ABR: variants seen among roughly 807,000 people sequenced by gnomAD.
The protein encoded by ABR is ABR activator of RhoGEF and GTPase, also known as active breakpoint cluster region-related protein.
Under a neutral mutation model 107.2 loss-of-function variants are expected in ABR, and 35 were observed. The ratio of observed to expected loss-of-function variants is 0.33; its 90% confidence interval spans 0.25 to 0.43. The LOEUF (loss-of-function observed/expected upper bound fraction) is 0.43, where lower values mean the gene tolerates loss of function less well. Among genes scored for constraint, ABR ranks in the 20% least tolerant of loss-of-function variants. The probability of loss-of-function intolerance (pLI) is 1.00; values close to 1 mark genes in which losing one functional copy is unlikely to be tolerated. For missense variants in ABR, 815 were observed against 1,115.2 expected (o/e 0.73, Z 3.83); for synonymous variants, 498 against 462.0 (o/e 1.08, Z -1.00).
chr17:1,025,947 C>T (rs765659449), intron 16 of ABR, among the ~76,000 whole-genome samples: 1 of 152,216 alleles, frequency 6.6e-6, no homozygotes, highest in South Asian at 2.1e-4. Context: ...AATGGCTCCC[C>T]GCCGGGGCTG....
intron 1 of ABR, among the ~76,000 whole-genome samples, chr17:1,161,209 A>G (rs2041278816): frequency 6.8e-6 from 1 of 147,888 alleles, no homozygotes; most frequent in African/African-American, 2.5e-5. Context: ...CTATCCTGGG[A>G]AGGTTTTGTT....
chr17:1,128,986 C>T (rs2039711302), intron 1 of ABR, among the ~76,000 whole-genome samples: 1 of 152,240 alleles, frequency 6.6e-6, no homozygotes. Context: ...GCCTCTGTTA[C>T]TTGGTTTTTC....
chr17:1,083,651 GA>G, intron 4 of ABR, 24 bp from the exon 5 acceptor site: 1 of 1,535,882 alleles, frequency 6.5e-7, no homozygotes, highest in Non-Finnish European at 9.0e-7. Context: ...TCAGGGAACA[GA>G]GGGAGAGGAG....
At chr17:1,098,712 T>G (rs2037656235) in intron 3 of ABR, among the ~76,000 whole-genome samples, 1 of 152,190 alleles carries the variant, frequency 6.6e-6, no homozygotes, top group Non-Finnish European at 1.5e-5. Context: ...CCTGCCACAC[T>G]GCCCCTCACT....
intron 16 of ABR, among the ~76,000 whole-genome samples, chr17:1,040,431 G>A (rs879706994): frequency 8.5e-5 from 13 of 152,220 alleles, no homozygotes; most frequent in Admixed American, 2.6e-4. Flanking sequence ...CAGAGCTGCC[G>A]TGCTGGGTCA....
chr17:1,117,919 G>C (rs1324736918), intron 2 of ABR, among the ~76,000 whole-genome samples: 1 of 106,750 alleles, frequency 9.4e-6, no homozygotes, highest in Non-Finnish European at 2.0e-5. Flanking sequence ...CGTTATCCCT[G>C]AGCCTGAGTT....
In ABR at chr17:1,027,294, C is replaced by G. The variant is rs1178272048; in HGVS notation, c.1792-14130G>C. Among the ~76,000 whole-genome samples the G allele has an allele frequency of 1.3e-5, 2 of 152,226 alleles. No individual in the cohort carries two copies. The highest frequency in any genetic ancestry group is 1.3e-4 in the Admixed American group (2 of 15,286). ...GCAGGGAGGCCGGGGAGGACCAGCG[C>G]CCTTCTACCCTCCCTAGGTACCAAG... On this transcript the variant is annotated intron_variant, in intron 16 of 22. Coordinates refer to ENST00000302538, the MANE Select transcript of ABR (RefSeq NM_021962.5). This position sits in a 1 kb window ranked among gnomAD's most constrained non-coding sequence, Gnocchi z 4.7.
At chr17:1,024,045 A>AAAAAG (rs2071961295) in intron 16 of ABR, among the ~76,000 whole-genome samples, 1 of 149,796 alleles carries the variant, frequency 6.7e-6, no homozygotes, top group Non-Finnish European at 1.5e-5. Flanking sequence ...AAAAAAAAAA[A>AAAAAG]AAAAGCAGCA....
intron 4 of ABR, among the ~76,000 whole-genome samples, chr17:1,091,195 C>T (rs866468166): frequency 3.3e-5 from 5 of 152,304 alleles, no homozygotes; most frequent in East Asian, 1.9e-4. Context: ...GCCCCTAACC[C>T]GGCATGTGCC....
At chr17:1,060,771 T>A (rs2033833258) in intron 10 of ABR, among the ~76,000 whole-genome samples, 1 of 151,662 alleles carries the variant, frequency 6.6e-6, no homozygotes, top group South Asian at 2.1e-4. Flanking sequence ...GGCGGGTGGA[T>A]CATGAGGTCA....
intron 3 of ABR, among the ~76,000 whole-genome samples, chr17:1,098,408 G>A (rs2037631216): frequency 6.6e-6 from 1 of 152,164 alleles, no homozygotes; most frequent in Non-Finnish European, 1.5e-5. Context: ...CACAACAGGT[G>A]TAAGACACCA....
upstream of ABR, chr17:1,182,142 G>A (rs540222608): frequency 7.9e-5 from 12 of 152,274 alleles, no homozygotes; most frequent in African/African-American, 2.6e-4. Flanking sequence ...AATCTTGAGG[G>A]CTCTACAGAG....
intron 2 of ABR, among the ~76,000 whole-genome samples, chr17:1,111,396 C>T (rs1037531882): frequency 6.6e-6 from 1 of 152,158 alleles, no homozygotes; most frequent in African/African-American, 2.4e-5. Flanking sequence ...ACTCACAGGC[C>T]CTCGGTGCCC....
intron 3 of ABR, among the ~76,000 whole-genome samples, chr17:1,097,979 G>C (rs574595466): frequency 6.6e-6 from 1 of 152,298 alleles, no homozygotes; most frequent in East Asian, 1.9e-4. Flanking sequence ...CCCATGGAAA[G>C]AGAGAGAAAG....
intron 16 of ABR, chr17:1,031,530 C>T (rs961635519): frequency 4.4e-5 from 15 of 341,568 alleles, no homozygotes; most frequent in African/African-American, 3.2e-4. Context: ...CCGCAGCCCC[C>T]GCAGCCCCCC....
In ABR at chr17:1,072,654, A is replaced by C; in HGVS notation, c.854T>G (p.Ile285Ser). The C allele has an allele frequency of 6.2e-7, 1 of 1,612,268 alleles. No homozygotes were observed. Among genetic ancestry groups the C allele is most frequent in the Non-Finnish European group, 8.5e-7 (1 of 1,179,290 alleles). The change falls in exon 8 of 23, where the codon ATC becomes AGC. Residue 285 changes from isoleucine to serine, a missense_variant. Around this residue, in one of 5 missense-constraint regions of ABR, gnomAD observed 385 missense variants for 596.9 expected, o/e 0.64. Transcript: ENST00000302538. Reference protein sequence around the residue: ...QNFLSSINEDIDPRRTAVTTP... With the variant: ...QNFLSSINEDSDPRRTAVTTP... ...TGTCACTGCAGTCCGGCGGGGGTCGATGTCCTCGTTGATGCTGGACAGGAA... is the reference window on the plus strand; with the variant it reads ...TGTCACTGCAGTCCGGCGGGGGTCGCTGTCCTCGTTGATGCTGGACAGGAA...
At chr17:1,105,628 C>G (rs1219703039) in intron 2 of ABR, among the ~76,000 whole-genome samples, 1 of 152,160 alleles carries the variant, frequency 6.6e-6, no homozygotes, top group African/African-American at 2.4e-5. Flanking sequence ...AATCCCAGCA[C>G]TTTGGGAGGC....
intron 14 of ABR, chr17:1,055,823 G>A (rs895874823): frequency 1.2e-4 from 64 of 535,546 alleles, no homozygotes; most frequent in African/African-American, 9.2e-4. Flanking sequence ...CACCGCGCCC[G>A]GCCCCTAGGT....
intron 1 of ABR, among the ~76,000 whole-genome samples, chr17:1,156,854 G>T (rs2041064840): frequency 6.6e-6 from 1 of 152,160 alleles, no homozygotes; most frequent in Non-Finnish European, 1.5e-5. Flanking sequence ...GTGAGGCTGG[G>T]ATCTGAATAC....
Sources: allele counts gnomAD v4.1 joint callset (sites outside exome capture counted in the v4.1 genomes callset), GRCh38; gene constraint gnomAD v4.1.1; regional missense constraint gnomAD v4.1.1; non-coding constraint Gnocchi (gnomAD v3.1); transcripts MANE v1.5; gene names NCBI Gene and HGNC (gene_info 2026-07-23, HGNC 2026-07-21).